POLGARF: variants seen among roughly 807,000 people sequenced by gnomAD.
The protein encoded by POLGARF is POLG alternative reading frame.
chr15:89,330,360 A>G, the POLGARF span: 7 of 1,057,440 alleles, frequency 6.6e-6, no homozygotes, highest in African/African-American at 7.8e-5. Context: ...CTACCGCCAC[A>G]TGCCAGATGG....
At chr15:89,331,666 C>T in the POLGARF span, among the ~76,000 whole-genome samples, 1 of 152,214 alleles carries the variant, frequency 6.6e-6, no homozygotes, top group Non-Finnish European at 1.5e-5. Context: ...ACCGCTTCTC[C>T]TCCCATTGTA....
At chr15:89,333,596 T>TTGCTGC in the POLGARF span, 47,272 of 1,598,052 alleles carry the variant, frequency 0.03, 545 homozygotes, top group African/African-American at 0.075. Context: ...GAGGCTGCTG[T>TTGCTGC]TGCTGCTGCT....
the POLGARF span, among the ~76,000 whole-genome samples, chr15:89,331,419 C>A: frequency 4.6e-5 from 7 of 152,270 alleles, no homozygotes; most frequent in South Asian, 1.5e-3. Flanking sequence ...AGTAAAAAGC[C>A]ACACTGGTGT....
At chr15:89,331,946 GA>G in the POLGARF span, among the ~76,000 whole-genome samples, 16 of 152,200 alleles carry the variant, frequency 1.1e-4, no homozygotes, top group Non-Finnish European at 2.4e-4. Context: ...GAGGTAAAAA[GA>G]GAGAAAGAAG....
the POLGARF span, chr15:89,333,258 G>A: frequency 6.4e-7 from 1 of 1,566,204 alleles, no homozygotes; most frequent in Non-Finnish European, 8.7e-7. Flanking sequence ...CCAAGCCGGG[G>A]GCTTCGGGGG....
At chr15:89,330,641 C>T in the POLGARF span, among the ~76,000 whole-genome samples, 2 of 151,788 alleles carry the variant, frequency 1.3e-5, no homozygotes, top group African/African-American at 2.4e-5. Flanking sequence ...CAACCCCTCA[C>T]GTCTACAGGC....
At chr15:89,331,518 C>G in the POLGARF span, among the ~76,000 whole-genome samples, 2 of 152,152 alleles carry the variant, frequency 1.3e-5, no homozygotes, top group Non-Finnish European at 2.9e-5. Flanking sequence ...AGTAGGGATC[C>G]ATGCCATTAA....
the POLGARF span, chr15:89,333,424 C>T: frequency 2.5e-6 from 4 of 1,607,834 alleles, no homozygotes; most frequent in African/African-American, 1.3e-5. Context: ...CCCCAGAGCC[C>T]GTGCTTCTGC....
the POLGARF span, chr15:89,333,744 AG>A: frequency 6.5e-7 from 1 of 1,535,356 alleles, no homozygotes; most frequent in Non-Finnish European, 8.7e-7. Flanking sequence ...CCTCCAGAGC[AG>A]GCGGCTCATG....
At chr15:89,333,718 T>C in the POLGARF span, 5 of 1,536,454 alleles carry the variant, frequency 3.3e-6, no homozygotes, top group African/African-American at 6.8e-5. Flanking sequence ...GGCCCGACGG[T>C]GGCGCCGGCC....
At chr15:89,330,362 G>T in the POLGARF span, 2 of 1,023,842 alleles carry the variant, frequency 2.0e-6, no homozygotes, top group Non-Finnish European at 3.0e-6. Flanking sequence ...ACCGCCACAT[G>T]CCAGATGGTG....
At chr15:89,333,186 G>T in the POLGARF span, 1 of 1,569,844 alleles carries the variant, frequency 6.4e-7, no homozygotes, top group South Asian at 1.2e-5. Context: ...CCGCTCCTCG[G>T]GGATGGCCAC....
At chr15:89,330,869 G>T in the POLGARF span, among the ~76,000 whole-genome samples, 1 of 146,414 alleles carries the variant, frequency 6.8e-6, no homozygotes, top group Admixed American at 6.7e-5. Flanking sequence ...CAGGGAAAGT[G>T]CCAGAATGAG....
At chr15:89,330,586 C>T in the POLGARF span, among the ~76,000 whole-genome samples, 1 of 152,180 alleles carries the variant, frequency 6.6e-6, no homozygotes, top group African/African-American at 2.4e-5. Context: ...CTAGGCCCAG[C>T]GTTCACTGAG....
At chr15:89,332,377 G>A in the POLGARF span, 4 of 151,942 alleles carry the variant, frequency 2.6e-5, no homozygotes, top group Non-Finnish European at 2.9e-5. Flanking sequence ...TTTTAATCCT[G>A]GAATGAAGAA....
chr15:89,333,740 G>A, the POLGARF span: 1 of 1,535,454 alleles, frequency 6.5e-7, no homozygotes, highest in Non-Finnish European at 8.7e-7. Context: ...CCTTCCTCCA[G>A]AGCAGGCGGC....
At chr15:89,333,049 G>C in the POLGARF span, 4 of 1,500,250 alleles carry the variant, frequency 2.7e-6, no homozygotes, top group African/African-American at 4.2e-5. Context: ...AAACTATTAA[G>C]CTGGGCCCCC....
chr15:89,333,639 T>C, the POLGARF span: 39 of 1,584,782 alleles, frequency 2.5e-5, no homozygotes, highest in Non-Finnish European at 2.8e-5. Flanking sequence ...CCGCCGCCGC[T>C]GCCCGTCGCT....
chr15:89,333,131 G>T, the POLGARF span: 7 of 1,527,474 alleles, frequency 4.6e-6, no homozygotes, highest in Non-Finnish European at 6.2e-6. Flanking sequence ...CCAATGTGGG[G>T]CAAGTTCCCT....
Sources: allele counts gnomAD v4.1 joint callset (sites outside exome capture counted in the v4.1 genomes callset), GRCh38; gene constraint gnomAD v4.1.1; transcripts MANE v1.5; gene names NCBI Gene and HGNC (gene_info 2026-07-23, HGNC 2026-07-21).